Variants in NCAM2 observed in about 807,000 individuals in gnomAD.
The protein encoded by NCAM2 is N-CAM-2.
Under a neutral mutation model 98.1 loss-of-function variants are expected in NCAM2, and 30 were observed. That is an observed-to-expected ratio of 0.31 (90% CI 0.23 to 0.41). The LOEUF is 0.41. NCAM2 is among the 10% of genes least tolerant of loss of function. NCAM2 has a pLI of 1.00. For missense variants in NCAM2, 867 were observed against 1,005.8 expected (o/e 0.86, Z 1.87); for synonymous variants, 368 against 342.4 (o/e 1.07, Z -0.83).
chr21:21,112,415 T>C (rs776387057), intron 1 of NCAM2, among the ~76,000 whole-genome samples: 3 of 152,234 alleles, frequency 2.0e-5, no homozygotes, highest in Non-Finnish European at 4.4e-5. Flanking sequence ...TTCTCATTTT[T>C]TCCCGCTTGC....
At chr21:21,034,784 A>AT (rs1315273965) in intron 1 of NCAM2, among the ~76,000 whole-genome samples, 1 of 152,210 alleles carries the variant, frequency 6.6e-6, no homozygotes, top group East Asian at 1.9e-4. Context: ...TCTACAAAAC[A>AT]TATTTATGGC....
intron 10 of NCAM2, among the ~76,000 whole-genome samples, chr21:21,412,818 A>G (rs906681091): frequency 6.6e-6 from 1 of 152,024 alleles, no homozygotes. Context: ...ACAATAATAT[A>G]AAGAGAAAGC....
chr21:21,417,866 C>T (rs2077024974), intron 10 of NCAM2, among the ~76,000 whole-genome samples: 1 of 151,980 alleles, frequency 6.6e-6, no homozygotes, highest in Admixed American at 6.6e-5. Flanking sequence ...CATTTTATTG[C>T]ACAGTATGTT....
intron 12 of NCAM2, among the ~76,000 whole-genome samples, chr21:21,450,789 TGTATAC>T (rs932447347): frequency 9.3e-6 from 1 of 107,108 alleles, no homozygotes; most frequent in East Asian, 2.2e-4. Context: ...TATGTATGTA[TGTATAC>T]ACACACACAC....
intron 1 of NCAM2, among the ~76,000 whole-genome samples, chr21:21,089,264 T>C (rs1006918553): frequency 6.6e-5 from 10 of 152,150 alleles, no homozygotes; most frequent in Admixed American, 3.3e-4. Flanking sequence ...TAAAACTGCC[T>C]TTAAAATTAT....
chr21:21,356,846 A>G (rs1351417906), intron 8 of NCAM2, among the ~76,000 whole-genome samples: 1 of 151,922 alleles, frequency 6.6e-6, no homozygotes, highest in Non-Finnish European at 1.5e-5. Flanking sequence ...CAAAATTAGC[A>G]GGGCGTGGTG....
At chr21:21,494,182 ATAGT>A (rs1313778120) in intron 15 of NCAM2, among the ~76,000 whole-genome samples, 18 of 152,072 alleles carry the variant, frequency 1.2e-4, no homozygotes, top group African/African-American at 2.9e-4. Flanking sequence ...AGTTTTATAA[ATAGT>A]TAGGAATTTT....
intron 1 of NCAM2, among the ~76,000 whole-genome samples, chr21:21,265,498 T>C (rs1374784208): frequency 6.3e-5 from 9 of 143,804 alleles, no homozygotes; most frequent in South Asian, 2.1e-4. Context: ...ACATATATAA[T>C]ATATGTGTGT....
chr21:21,278,834 G>C (rs1457892621), intron 1 of NCAM2, among the ~76,000 whole-genome samples: 1 of 152,058 alleles, frequency 6.6e-6, no homozygotes, highest in African/African-American at 2.4e-5. Flanking sequence ...GCTTCCTCCT[G>C]TTCTTTATTA....
chr21:21,343,052 T>G (rs2075088763), intron 8 of NCAM2, among the ~76,000 whole-genome samples: 1 of 152,216 alleles, frequency 6.6e-6, no homozygotes, highest in Non-Finnish European at 1.5e-5. Context: ...TATTTCCATT[T>G]AATCAAATAA....
rs111791969 is a variant in NCAM2 at position 21,411,298 on chromosome 21, A to G, written c.1383+837A>G. Among the ~76,000 whole-genome samples, 523 of 148,720 alleles carry G rather than the reference A, an allele frequency of 3.5e-3. 5 individuals are homozygous for G. Among genetic ancestry groups the G allele is most frequent in the African/African-American group, 0.012 (498 of 40,456 alleles). ...ATTGAGGGCTAAAAATTTGTCTTCA[A>G]TGTTGATGTTTTCATTGATTCCATG... On this transcript the variant is annotated intron_variant, in intron 10 of 17. Transcript: ENST00000400546.
chr21:21,274,773 A>G (rs2072660669), intron 1 of NCAM2, among the ~76,000 whole-genome samples: 1 of 152,180 alleles, frequency 6.6e-6, no homozygotes, highest in Non-Finnish European at 1.5e-5. Context: ...TCGTTGTCCC[A>G]AGATCAATCA....
intron 1 of NCAM2, among the ~76,000 whole-genome samples, chr21:21,161,602 A>C (rs1308401737): frequency 2.0e-5 from 3 of 151,740 alleles, no homozygotes; most frequent in South Asian, 4.1e-4. Flanking sequence ...AGAGAGAGAG[A>C]GAGCAAGATA....
chr21:21,303,432 A>G (rs891363129), intron 5 of NCAM2, among the ~76,000 whole-genome samples: 2 of 151,866 alleles, frequency 1.3e-5, no homozygotes, highest in Non-Finnish European at 2.9e-5. Flanking sequence ...AGATTCATTT[A>G]TGTTATCCCA....
chr21:21,303,713 A>G (rs2073797124), intron 5 of NCAM2, among the ~76,000 whole-genome samples: 1 of 152,032 alleles, frequency 6.6e-6, no homozygotes, highest in Non-Finnish European at 1.5e-5. Flanking sequence ...TGATTGTACT[A>G]TTTTACCTTC....
At chr21:21,398,142 C>T (rs181541947) in intron 9 of NCAM2, among the ~76,000 whole-genome samples, 212 of 152,272 alleles carry the variant, frequency 1.4e-3, no homozygotes, top group Non-Finnish European at 2.6e-3. Flanking sequence ...GACCATTATT[C>T]TAAGTGACGT....
At chr21:21,163,698 C>T (rs973120706) in intron 1 of NCAM2, among the ~76,000 whole-genome samples, 6 of 152,092 alleles carry the variant, frequency 3.9e-5, no homozygotes, top group Non-Finnish European at 7.4e-5. Context: ...TGTCAGGAAC[C>T]GTTCTCAGAA....
At chr21:21,467,391 T>C (rs1983828413) in intron 13 of NCAM2, among the ~76,000 whole-genome samples, 1 of 148,010 alleles carries the variant, frequency 6.8e-6, no homozygotes, top group East Asian at 2.0e-4. Flanking sequence ...TTTATATATA[T>C]ATATATATCG....
Position 21,538,380 on chromosome 21 carries a change from G to T in NCAM2, c.*423G>T, listed in dbSNP as rs1020709890. ...GTATGAGTCCTATTCTGGGCAAATA[G>T]ATTCTTAAAGTGGCTTTCAACTTCA... On this transcript the variant is annotated 3_prime_UTR_variant, in exon 18 of 18. Coordinates refer to ENST00000400546, the MANE Select transcript of NCAM2 (RefSeq NM_004540.5). The T allele has an allele frequency of 2.0e-5, 3 of 152,738 alleles. No individual in the cohort carries two copies. The highest frequency in any genetic ancestry group is 7.2e-5 in the African/African-American group (3 of 41,450). 9.5% of individuals were successfully genotyped at this position (152,738 alleles called of 1,614,324 possible). A position where few individuals can be genotyped will look rare whatever the true frequency, so the allele number is the denominator to read the frequency against.
Sources: gnomAD v4.1 joint callset for allele counts (sites outside exome capture counted in the v4.1 genomes callset) on GRCh38, gnomAD v4.1.1 for gene constraint, MANE v1.5 for transcripts, NCBI Gene and HGNC (gene_info 2026-07-23, HGNC 2026-07-21) for gene names.